Variants in BNIP5 observed in about 807,000 individuals in gnomAD.
The protein encoded by BNIP5 is protein BNIP5.
BNIP5 carries 61 observed loss-of-function variants against 67.3 expected under a neutral mutation model. The observed-to-expected ratio is 0.91, with a 90% confidence interval of 0.74 to 1.12. The LOEUF is 1.12. BNIP5 is among the 50% of genes most tolerant of loss of function. The pLI, the probability that BNIP5 is intolerant of heterozygous loss-of-function variation, is 0.00. For synonymous variants in BNIP5, 317 were observed against 319.0 expected (o/e 0.99, Z 0.07); for missense variants, 826 against 816.3 (o/e 1.01, Z -0.14).
intron 6 of BNIP5, 86 bp from the exon 7 acceptor site, chr6:36,324,276 T>C (rs1771705866): frequency 1.6e-6 from 2 of 1,220,908 alleles, no homozygotes; most frequent in Admixed American, 1.7e-5. Context: ...CCCCGGTGGC[T>C]CCCTGGGTGA....
At chr6:36,319,170 A>G (rs1160601834) in intron 11 of BNIP5, among the ~76,000 whole-genome samples, 186 bp downstream of exon 11, 1 of 152,226 alleles carries the variant, frequency 6.6e-6, no homozygotes, top group East Asian at 1.9e-4. Flanking sequence ...TCAGAAAAGA[A>G]AAAGGTTGTC....
At chr6:36,318,041 C>T (rs142835937) in intron 11 of BNIP5, among the ~76,000 whole-genome samples, 270 of 152,184 alleles carry the variant, frequency 1.8e-3, no homozygotes, top group South Asian at 6.8e-3. Flanking sequence ...GGATTTCTGA[C>T]CAGGAAAATG....
chr6:36,325,790 G>A (rs1156930945), intron 5 of BNIP5, among the ~76,000 whole-genome samples: 2 of 152,100 alleles, frequency 1.3e-5, no homozygotes, highest in East Asian at 1.9e-4. Flanking sequence ...GGTGTTAAGC[G>A]TCACTCCCTC....
In BNIP5 at chr6:36,324,259, C is replaced by G. The variant is rs775130820; in HGVS notation, c.1169-69G>C. The G allele has an allele frequency of 2.7e-4, 385 of 1,400,442 alleles. 1 individual carries two copies. The highest frequency in any genetic ancestry group is 1.6e-3 in the Middle Eastern group (9 of 5,674). 86.8% of individuals were successfully genotyped at this position (1,400,442 alleles called of 1,614,324 possible). A position where few individuals can be genotyped will look rare whatever the true frequency, so the allele number is the denominator to read the frequency against. ...TCTCTTCTGCGGTCAGTCTTCATTT[C>G]CTAATGCCCCGGTGGCTCCCTGGGT... On this transcript the variant is annotated intron_variant, in intron 6 of 11. Coordinates refer to ENST00000437635, the MANE Select transcript of BNIP5 (RefSeq NM_001010903.5).
intron 1 of BNIP5, among the ~76,000 whole-genome samples, chr6:36,334,931 T>C (rs928703456): frequency 6.6e-6 from 1 of 152,230 alleles, no homozygotes; most frequent in Non-Finnish European, 1.5e-5. Flanking sequence ...GTGGTCTCAC[T>C]ATGCGGAAAC....
At chr6:36,318,969 TGTTA>T (rs1391603682) in intron 11 of BNIP5, among the ~76,000 whole-genome samples, 1 of 152,146 alleles carries the variant, frequency 6.6e-6, no homozygotes, top group Non-Finnish European at 1.5e-5. Flanking sequence ...AACCTTACTT[TGTTA>T]TTTACATTTT....
At position 36,330,630 on chromosome 6, in the gene BNIP5, T is replaced by C. The variant is rs753777441; in HGVS notation, c.61A>G (p.Arg21Gly). The change falls in exon 2 of 12, where the codon AGG becomes GGG. Residue 21 changes from arginine (R) to glycine (G), a missense_variant. Transcript: ENST00000437635. The part of the protein sequence containing the change: ...LAEKKARSLD[R>G]PQAPGKGSES... ...GAGCCTTTCCCGGGGGCCTGCGGCC[T>C]GTCCAGAGACCTGGCTTTCTTCTCC... 2.2e-5 allele frequency: 35 copies of C among 1,607,418 alleles called. No homozygotes were observed. The highest frequency in any genetic ancestry group is 2.8e-5 in the Non-Finnish European group (33 of 1,179,776).
chr6:36,319,754 T>C (rs1016379112), intron 10 of BNIP5, 144 bp from the exon 11 acceptor site: 2 of 918,806 alleles, frequency 2.2e-6, no homozygotes, highest in East Asian at 2.5e-5. Context: ...CCACTGCCCC[T>C]AGCCTCTCAG....
intron 1 of BNIP5, among the ~76,000 whole-genome samples, chr6:36,330,963 C>T (rs534118988): frequency 4.3e-4 from 66 of 152,230 alleles, no homozygotes; most frequent in Non-Finnish European, 3.1e-4. Flanking sequence ...GGGGTTTCAC[C>T]GTGTTGGCCA....
Position 36,327,043 on chromosome 6 carries a change from T to C in BNIP5, c.779A>G (p.Gln260Arg). The C allele has an allele frequency of 1.2e-6, 2 of 1,614,114 alleles. No homozygotes were observed. Among genetic ancestry groups the C allele is most frequent in the East Asian group, 4.5e-5 (2 of 44,892 alleles). The change falls in exon 4 of 12, where the codon CAG (glutamine) becomes CGG (arginine). Residue 260 changes from glutamine (Q) to arginine (R), a missense_variant. Transcript: ENST00000437635. ...IVELLKRVGD[Q>R]WEEEQSLASQ... ...TTTACTCCTCACCTCTTCTTCCCAC[T>C]GGTCTCCCACTCTTTTGAGCAATTC...
chr6:36,330,952 T>C (rs1420727511), intron 1 of BNIP5, among the ~76,000 whole-genome samples: 1 of 152,076 alleles, frequency 6.6e-6, no homozygotes, highest in Non-Finnish European at 1.5e-5. Context: ...TTAGTAGAGA[T>C]GGGGTTTCAC....
At chr6:36,324,000 C>CAAAA (rs35557075) in intron 7 of BNIP5, 129 bp downstream of exon 7, 66 of 596,888 alleles carry the variant, frequency 1.1e-4, no homozygotes, top group Middle Eastern at 4.3e-4. Context: ...ACTCCGTCTC[C>CAAAA]AAAAAAAAAA....
chr6:36,330,309 C>G lies in BNIP5; in HGVS notation c.382G>C (p.Gly128Arg). ...KASRRPRGKEGISQHPEPLEA... is the reference protein window; with the variant it reads ...KASRRPRGKERISQHPEPLEA... ...AGGGGCTCCGGATGCTGGGAGATAC[C>G]CTCCTTCCCCCTTGGCCTCCTGCTG... The change falls in exon 2 of 12, where the codon GGT becomes CGT. Residue 128 changes from glycine to arginine, a missense_variant. Physicochemically the swap from Gly to Arg is moderately radical, Grantham distance 125. Transcript: ENST00000437635. 1 of 1,614,160 alleles carries G rather than the reference C, an allele frequency of 6.2e-7. No homozygotes were observed. The highest frequency in any genetic ancestry group is 8.5e-7 in the Non-Finnish European group (1 of 1,180,028).
At chr6:36,332,605 A>G (rs1194752279) in intron 1 of BNIP5, among the ~76,000 whole-genome samples, 2 of 152,222 alleles carry the variant, frequency 1.3e-5, no homozygotes, top group Admixed American at 6.5e-5. Context: ...ATGTGTAGTT[A>G]ACATGAAATC....
chr6:36,321,273 C>A, intron 9 of BNIP5, 54 bp from the exon 10 acceptor site: 2 of 1,348,180 alleles, frequency 1.5e-6, no homozygotes, highest in South Asian at 2.5e-5. Context: ...TGCCCAGTTC[C>A]CTTCCAAAAA....
chr6:36,324,668 C>G (rs1771723191), intron 6 of BNIP5, among the ~76,000 whole-genome samples: 1 of 106,514 alleles, frequency 9.4e-6, no homozygotes, highest in African/African-American at 3.4e-5. Context: ...CCTGGCTCTG[C>G]CAATGGTAAA....
chr6:36,324,785 A>C (rs1210147798), intron 6 of BNIP5, among the ~76,000 whole-genome samples: 3 of 150,496 alleles, frequency 2.0e-5, no homozygotes, highest in African/African-American at 7.3e-5. Flanking sequence ...AAGCTGGGCC[A>C]CCCAACAATG....
intron 10 of BNIP5, 45 bp from the exon 11 acceptor site, chr6:36,319,655 C>A: frequency 2.5e-6 from 4 of 1,576,258 alleles, no homozygotes; most frequent in Non-Finnish European, 3.5e-6. Flanking sequence ...GCTGGCAGTA[C>A]CCCTCCCGCC....
chr6:36,324,696 G>A (rs1345883527), intron 6 of BNIP5, among the ~76,000 whole-genome samples: 2 of 131,848 alleles, frequency 1.5e-5, no homozygotes, highest in East Asian at 2.4e-4. Flanking sequence ...TTACAGCGAT[G>A]GCAGCTGCCA....
Sources: gnomAD v4.1 joint callset for allele counts (sites outside exome capture counted in the v4.1 genomes callset) on GRCh38, gnomAD v4.1.1 for gene constraint, MANE v1.5 for transcripts, NCBI Gene and HGNC (gene_info 2026-07-23, HGNC 2026-07-21) for gene names.